Variants in DMD observed in about 807,000 individuals in gnomAD.
DMD encodes dystrophin.
Under a neutral mutation model 330.1 loss-of-function variants are expected in DMD, and 63 were observed. The ratio of observed to expected loss-of-function variants is 0.19; its 90% CI spans 0.16 to 0.24. The LOEUF is 0.24. Ranked by LOEUF, DMD falls within the 10% of genes least tolerant of loss-of-function variation. The probability of loss-of-function intolerance (pLI) is 1.00; values close to 1 mark genes in which losing one functional copy is unlikely to be tolerated. For missense variants in DMD, 3,344 were observed against 2,684.1 expected (o/e 1.25, Z -5.43); for synonymous variants, 1,223 against 959.8 (o/e 1.27, Z -5.07).
intron 2 of DMD, chrX:32,960,286 A>C (rs1301062451): frequency 9.0e-6 from 1 of 110,741 alleles, no homozygotes; most frequent in Non-Finnish European, 1.9e-5. Flanking sequence ...CCTTGACCAA[A>C]CTTTAGCTAG....
chrX:31,481,118 C>A (rs2068252581), intron 57 of DMD, among the ~76,000 whole-genome samples: 1 of 112,061 alleles, frequency 8.9e-6, no homozygotes, highest in African/African-American at 3.2e-5. Context: ...AAGGAGAGGG[C>A]ATGTCCAAAG....
intron 1 of DMD, among the ~76,000 whole-genome samples, chrX:33,194,554 G>T (rs1249229620): frequency 1.8e-5 from 2 of 111,276 alleles, no homozygotes; most frequent in South Asian, 3.7e-4. Context: ...CTTTTCTTTG[G>T]TTGAAATTTT....
intron 1 of DMD, among the ~76,000 whole-genome samples, chrX:33,203,268 C>T (rs977010739): frequency 2.7e-5 from 3 of 111,826 alleles, no homozygotes; most frequent in African/African-American, 9.7e-5. Context: ...TCATATTACT[C>T]AACAATTCTG....
intron 60 of DMD, among the ~76,000 whole-genome samples, chrX:31,392,314 T>C (rs187887459): frequency 8.8e-6 from 1 of 113,092 alleles, no homozygotes; most frequent in East Asian, 2.8e-4. Context: ...GGATTCTGAA[T>C]GAAACTGTTG....
chrX:32,706,284 A>T (rs1287394565), intron 7 of DMD, among the ~76,000 whole-genome samples: 119 of 104,966 alleles, frequency 1.1e-3, no homozygotes, highest in Non-Finnish European at 2.1e-3. Flanking sequence ...CCTAATGCGA[A>T]ATGACGAGTT....
At chrX:33,272,404 A>G (rs1376970764) in intron 1 of DMD, among the ~76,000 whole-genome samples, 1 of 112,142 alleles carries the variant, frequency 8.9e-6, no homozygotes, top group African/African-American at 3.2e-5. Flanking sequence ...TTTGTGACTG[A>G]TATGAATTCA....
At chrX:31,215,506 T>C (rs2148647502) in intron 64 of DMD, among the ~76,000 whole-genome samples, 1 of 111,724 alleles carries the variant, frequency 9.0e-6, no homozygotes, top group Non-Finnish European at 1.9e-5. Context: ...TTTTGGTTAG[T>C]ATTCGTTAAT....
At chrX:31,711,953 A>G (rs929847496) in intron 52 of DMD, among the ~76,000 whole-genome samples, 1 of 111,081 alleles carries the variant, frequency 9.0e-6, no homozygotes, top group African/African-American at 3.3e-5. Flanking sequence ...ATACTTATAC[A>G]TATATAGTAT....
At chrX:32,392,030 T>G (rs1731138835) in intron 30 of DMD, among the ~76,000 whole-genome samples, 1 of 111,663 alleles carries the variant, frequency 9.0e-6, no homozygotes. Context: ...TCAGAATCTC[T>G]CTCAGAAAAT....
intron 1 of DMD, among the ~76,000 whole-genome samples, chrX:33,164,147 C>T (rs781036248): frequency 1.8e-5 from 2 of 111,374 alleles, no homozygotes; most frequent in African/African-American, 6.5e-5. Context: ...TTTAATTAAT[C>T]GAATTTGATA....
chrX:33,185,608 T>A (rs1487988636), intron 1 of DMD, among the ~76,000 whole-genome samples: 2 of 111,531 alleles, frequency 1.8e-5, no homozygotes, highest in Non-Finnish European at 3.8e-5. Flanking sequence ...ACTCTTTAGT[T>A]TTAGTCCTCC....
intron 44 of DMD, among the ~76,000 whole-genome samples, chrX:32,049,407 A>T (rs2096089554): frequency 9.0e-6 from 1 of 111,633 alleles, no homozygotes; most frequent in South Asian, 3.8e-4. Flanking sequence ...GAGGTGAGGT[A>T]AGTAGGAATA....
chrX:31,138,208 C>G (rs1237611113), intron 76 of DMD, among the ~76,000 whole-genome samples: 1 of 111,695 alleles, frequency 9.0e-6, no homozygotes, highest in African/African-American at 3.3e-5. Context: ...GGATGAGAGA[C>G]ATGTTGAACA....
At position 32,321,317 on chromosome X, in the gene DMD, GAAA is replaced by G. The variant is rs372983392; in HGVS notation, c.5923-11044_5923-11042del. 5.5e-5 allele frequency among the ~76,000 whole-genome samples: 6 copies of G among 109,268 alleles called. No individual in the cohort carries two copies. The Admixed American group carries it at 5.9e-4, about 11-fold the overall frequency. 94.9% of individuals were successfully genotyped at this position (109,268 alleles called of 115,157 possible). On this transcript the variant is annotated intron_variant, in intron 41 of 78. Coordinates refer to ENST00000357033, the MANE Select transcript of DMD (RefSeq NM_004006.3). ...ATATGTATCAGGACCTCAAATTATGGAAAAAAAAATTGCAGGTGAAGAGAGAAT... is the reference window on the plus strand; with the variant it reads ...ATATGTATCAGGACCTCAAATTATGGAAAAAATTGCAGGTGAAGAGAGAAT...
chrX:32,401,104 T>C (rs1237870002), intron 30 of DMD, among the ~76,000 whole-genome samples: 6 of 102,925 alleles, frequency 5.8e-5, no homozygotes, highest in African/African-American at 2.2e-4. Context: ...CACTGCATGT[T>C]CTCACTCATA....
chrX:33,072,680 T>C (rs962203857), intron 1 of DMD, among the ~76,000 whole-genome samples: 8 of 111,443 alleles, frequency 7.2e-5, no homozygotes, highest in African/African-American at 2.3e-4. Context: ...TTCAGTGAGG[T>C]AACCAGCCAG....
chrX:33,068,008 C>T (rs1043845060), intron 1 of DMD, among the ~76,000 whole-genome samples: 3 of 111,880 alleles, frequency 2.7e-5, no homozygotes, highest in Non-Finnish European at 5.6e-5. Context: ...ACAAGTGCTG[C>T]TAGTGCTGAA....
chrX:33,269,761 A>C (rs2053120158), intron 1 of DMD, among the ~76,000 whole-genome samples: 1 of 110,731 alleles, frequency 9.0e-6, no homozygotes, highest in Non-Finnish European at 1.9e-5. Context: ...ACTTAAGTTT[A>C]TACAATCATC....
At chrX:31,166,067 A>G (rs1278756331) in intron 74 of DMD, among the ~76,000 whole-genome samples, 1 of 112,141 alleles carries the variant, frequency 8.9e-6, no homozygotes, top group Non-Finnish European at 1.9e-5. Context: ...AAGTCTTTGA[A>G]AGGCTTTTCT....
Sources: allele counts gnomAD v4.1 joint callset (sites outside exome capture counted in the v4.1 genomes callset), GRCh38; gene constraint gnomAD v4.1.1; transcripts MANE v1.5; gene names NCBI Gene and HGNC (gene_info 2026-07-23, HGNC 2026-07-21).